PCTP: variants seen among roughly 807,000 people sequenced by gnomAD.
PCTP encodes the protein phosphatidylcholine transfer protein.
PCTP carries 27 observed loss-of-function variants against 31.0 expected under a neutral mutation model. The observed-to-expected ratio is 0.87, with a 90% CI of 0.64 to 1.20. The LOEUF (loss-of-function observed/expected upper bound fraction) is 1.20, where lower values mean the gene tolerates loss of function less well. Among genes scored for constraint, PCTP ranks in the 50% most tolerant of loss-of-function variants. The probability of loss-of-function intolerance (pLI) is 0.00; values close to 1 mark genes in which losing one functional copy is unlikely to be tolerated. For missense variants in PCTP, 287 were observed against 268.2 expected, an observed-to-expected ratio of 1.07 and a Z score of -0.49; for synonymous variants, 108 against 101.2, an observed-to-expected ratio of 1.07 and a Z score of -0.40.
chr17:55,832,285 T>C (rs1213662475), intron 5 of PCTP, among the ~76,000 whole-genome samples: 1 of 152,228 alleles, frequency 6.6e-6, no homozygotes, highest in African/African-American at 2.4e-5. Context: ...GTACCTAGAA[T>C]GCTGATTGCA....
intron 1 of PCTP, chr17:55,751,466 G>A (rs1178151352): frequency 2.0e-6 from 3 of 1,531,976 alleles, no homozygotes; most frequent in South Asian, 1.2e-5. Flanking sequence ...GGTCACAGGA[G>A]TTCAGCCTCA....
chr17:55,783,284 A>G (rs577009110), intron 2 of PCTP, among the ~76,000 whole-genome samples: 98 of 152,280 alleles, frequency 6.4e-4, no homozygotes, highest in African/African-American at 2.3e-3. Flanking sequence ...GAATGATATT[A>G]CTGATGTAAC....
At chr17:55,819,553 C>G (rs188628329) in intron 3 of PCTP, among the ~76,000 whole-genome samples, 2 of 152,028 alleles carry the variant, frequency 1.3e-5, no homozygotes, top group Admixed American at 1.3e-4. Context: ...GAGTTCAAGA[C>G]CAGCCTAGGA....
chr17:55,776,264 ACACTACCACAT>A lies in PCTP; in HGVS notation c.*166_*176del. 1 of 1,421,296 alleles carries A rather than the reference ACACTACCACAT, an allele frequency of 7.0e-7. No homozygotes were observed. The highest frequency in any genetic ancestry group is 9.2e-7 in the Non-Finnish European group (1 of 1,088,928). The allele number at this position is 1,421,296 out of a possible 1,614,324, so 88.0% of individuals were successfully genotyped here. On this transcript the variant is annotated 3_prime_UTR_variant, in exon 6 of 6. Transcript: ENST00000268896. ...GCTGTTTCTGTCTTCAGAGGCCTAC[ACACTACCACAT>A]CCTTTCTAAGCATGTTTGCCTGACA...
chr17:55,842,001 G>A (rs762852334), intron 5 of PCTP, among the ~76,000 whole-genome samples: 1 of 151,952 alleles, frequency 6.6e-6, no homozygotes, highest in Non-Finnish European at 1.5e-5. Context: ...AAATATATAA[G>A]TACACCTCCC....
chr17:55,835,988 T>G (rs1303193259), intron 5 of PCTP, among the ~76,000 whole-genome samples: 1 of 152,180 alleles, frequency 6.6e-6, no homozygotes, highest in East Asian at 1.9e-4. Flanking sequence ...AATGGGAGAT[T>G]GATATTGGGA....
intron 3 of PCTP, among the ~76,000 whole-genome samples, chr17:55,816,582 G>A (rs1385484658): frequency 1.3e-5 from 2 of 152,242 alleles, no homozygotes; most frequent in South Asian, 2.1e-4. Context: ...GGTCTGGACA[G>A]TATCAGAATG....
At chr17:55,818,810 T>C (rs1913013660) in intron 3 of PCTP, among the ~76,000 whole-genome samples, 1 of 151,820 alleles carries the variant, frequency 6.6e-6, no homozygotes, top group Non-Finnish European at 1.5e-5. Flanking sequence ...AACTAGAAGA[T>C]GGTAAGCCAG....
chr17:55,812,090 A>G (rs965283635), intron 3 of PCTP, among the ~76,000 whole-genome samples: 1 of 152,216 alleles, frequency 6.6e-6, no homozygotes, highest in East Asian at 1.9e-4. Context: ...GTAACTTGCC[A>G]AAGGCCATTC....
At chr17:55,767,963 C>T (rs1910776443) in intron 2 of PCTP, among the ~76,000 whole-genome samples, 2 of 151,514 alleles carry the variant, frequency 1.3e-5, no homozygotes, top group Non-Finnish European at 2.9e-5. Flanking sequence ...CATGGTGGCG[C>T]ATGCCTATAG....
chr17:55,773,903 C>A lies in PCTP; in HGVS notation c.511+8C>A. On this transcript the variant is annotated splice_region_variant and intron_variant, in intron 4 of 5. Transcript: ENST00000268896. ...GCAAGAAGGGGAGCAAAGGTAAAAC[C>A]CATGGTGCCTGTCAGTGCACCCAGC... 6.3e-7 allele frequency: 1 copy of A among 1,592,460 alleles called. No homozygotes were observed. The highest frequency in any genetic ancestry group is 8.6e-7 in the Non-Finnish European group (1 of 1,167,494).
chr17:55,765,576 C>G (rs1910595719), intron 1 of PCTP, among the ~76,000 whole-genome samples: 1 of 152,228 alleles, frequency 6.6e-6, no homozygotes, highest in Non-Finnish European at 1.5e-5. Flanking sequence ...CATTTCTTAT[C>G]TGAACTATTG....
intron 3 of PCTP, among the ~76,000 whole-genome samples, chr17:55,790,486 C>T (rs1467280044): frequency 6.8e-6 from 1 of 147,312 alleles, no homozygotes; most frequent in East Asian, 2.0e-4. Context: ...GTACAAAAAT[C>T]ACAAGCATTC....
intron 3 of PCTP, among the ~76,000 whole-genome samples, chr17:55,804,115 C>T (rs1348273991): frequency 6.6e-6 from 1 of 152,178 alleles, no homozygotes; most frequent in Non-Finnish European, 1.5e-5. Flanking sequence ...AAAAAAAGAT[C>T]ATCATCACTG....
intron 2 of PCTP, chr17:55,768,788 G>A (rs766584012): frequency 2.0e-5 from 3 of 152,166 alleles, no homozygotes; most frequent in Non-Finnish European, 2.9e-5. Context: ...TAAGTTATGT[G>A]TTATGAAAGA....
intron 5 of PCTP, among the ~76,000 whole-genome samples, chr17:55,832,256 C>G (rs879945413): frequency 3.3e-5 from 5 of 152,346 alleles, no homozygotes; most frequent in Admixed American, 6.5e-5. Flanking sequence ...CTCTGTGTCT[C>G]AATTATCTGT....
intron 3 of PCTP, 73 bp downstream of exon 3, chr17:55,771,258 A>AGCT: frequency 2.6e-6 from 3 of 1,162,590 alleles, no homozygotes; most frequent in Non-Finnish European, 3.9e-6. Context: ...AGTCTATTGC[A>AGCT]GAGAGGTAGA....
At position 55,777,224 on chromosome 17, in the gene PCTP, T is replaced by G. The variant is rs1911383165; in HGVS notation, c.*1124T>G. 1 of 985,244 alleles carries G rather than the reference T, an allele frequency of 1.0e-6. No homozygotes were observed. The highest frequency in any genetic ancestry group is 1.7e-5 in the African/African-American group (1 of 57,226). 61.0% of individuals were successfully genotyped at this position (985,244 alleles called of 1,614,324 possible). On this transcript the variant is annotated 3_prime_UTR_variant, in exon 6 of 6. Transcript: ENST00000268896. ...TCTCAGGGAAAAATTTTAATCACTG[T>G]GTATAATGATACTGAACCTTGATTA...
intron 3 of PCTP, among the ~76,000 whole-genome samples, chr17:55,790,709 C>T (rs1427027500): frequency 3.3e-5 from 5 of 151,002 alleles, no homozygotes; most frequent in African/African-American, 1.2e-4. Flanking sequence ...GAATCAATAT[C>T]GTGAAAATGG....
Sources: allele counts gnomAD v4.1 joint callset (sites outside exome capture counted in the v4.1 genomes callset), GRCh38; gene constraint gnomAD v4.1.1; transcripts MANE v1.5; gene names NCBI Gene and HGNC (gene_info 2026-07-23, HGNC 2026-07-21).